Variants in GAS7 observed in about 807,000 individuals in gnomAD.
GAS7 encodes the protein growth arrest-specific protein 7.
GAS7 carries 28 observed loss-of-function variants against 71.1 expected under a neutral mutation model. That is an observed-to-expected ratio of 0.39 (90% CI 0.29 to 0.54). The LOEUF is 0.54. Among genes scored for constraint, GAS7 ranks in the 20% least tolerant of loss-of-function variants. GAS7 has a pLI of 0.62. For missense variants in GAS7, 436 were observed against 627.8 expected, an observed-to-expected ratio of 0.69 and a Z score of 3.27; for synonymous variants, 258 against 245.8, an observed-to-expected ratio of 1.05 and a Z score of -0.46.
intron 1 of GAS7, among the ~76,000 whole-genome samples, chr17:10,031,837 A>G (rs886958457): frequency 2.0e-5 from 3 of 152,140 alleles, no homozygotes; most frequent in Non-Finnish European, 4.4e-5. Flanking sequence ...AGAGACGCCC[A>G]CTCTTCAGCA....
intron 2 of GAS7, among the ~76,000 whole-genome samples, chr17:10,002,096 T>C (rs1377302030): frequency 7.0e-6 from 1 of 143,206 alleles, no homozygotes; most frequent in Non-Finnish European, 1.5e-5. Context: ...TGTGTCAGTT[T>C]CCAGGGGGCT....
intron 1 of GAS7, among the ~76,000 whole-genome samples, chr17:10,143,281 C>T (rs2074097336): frequency 6.6e-6 from 1 of 151,800 alleles, no homozygotes; most frequent in Non-Finnish European, 1.5e-5. Context: ...TGGTTCACAC[C>T]TGCAATCCCA....
intron 1 of GAS7, among the ~76,000 whole-genome samples, chr17:10,024,432 C>T (rs137889030): frequency 3.5e-4 from 53 of 152,236 alleles, no homozygotes; most frequent in Admixed American, 5.2e-4. Flanking sequence ...AGCACTTTCC[C>T]GTGGGAACTG....
At chr17:9,918,957 C>T (rs1439105865) in intron 12 of GAS7, among the ~76,000 whole-genome samples, 1 of 152,138 alleles carries the variant, frequency 6.6e-6, no homozygotes, top group Non-Finnish European at 1.5e-5. Flanking sequence ...CTGGGGAAGG[C>T]AGCTGGTTAG....
At chr17:10,157,536 C>T (rs537631937) in intron 1 of GAS7, among the ~76,000 whole-genome samples, 1 of 152,338 alleles carries the variant, frequency 6.6e-6, no homozygotes, top group East Asian at 1.9e-4. Flanking sequence ...GAAGATAAGG[C>T]TTTGAGCATC....
At chr17:9,984,965 C>T (rs764802590) in intron 2 of GAS7, among the ~76,000 whole-genome samples, 2 of 152,060 alleles carry the variant, frequency 1.3e-5, no homozygotes, top group Non-Finnish European at 2.9e-5. Flanking sequence ...GCACTGTTGC[C>T]TTCACATCCA....
At chr17:9,933,338 C>T (rs1056725427) in intron 9 of GAS7, among the ~76,000 whole-genome samples, 5 of 152,170 alleles carry the variant, frequency 3.3e-5, no homozygotes, top group African/African-American at 1.2e-4. Flanking sequence ...CATCCTACTC[C>T]ATCCCTTTGA....
intron 2 of GAS7, among the ~76,000 whole-genome samples, chr17:10,011,705 G>C (rs1037716698): frequency 6.6e-6 from 1 of 152,158 alleles, no homozygotes; most frequent in Non-Finnish European, 1.5e-5. Context: ...GGCCGGGTGC[G>C]GTGGCTCATG....
chr17:10,042,257 C>T (rs112364166), intron 1 of GAS7, among the ~76,000 whole-genome samples: 13 of 147,282 alleles, frequency 8.8e-5, no homozygotes, highest in South Asian at 6.4e-4. Context: ...ATAGTGCCAC[C>T]GCACTCCGGC....
In GAS7 at chr17:10,098,999, T is replaced by C. The variant is rs148588097; in HGVS notation, c.184-79102A>G. ...AAGAATGCAGATAACACAGGTTAGA[T>C]GAAGGGCAGAGTTGTGGCCATGGGC... is the stretch of plus-strand genomic sequence containing the variant. On this transcript the variant is annotated intron_variant, in intron 1 of 13. Coordinates refer to ENST00000432992, the MANE Select transcript of GAS7 (RefSeq NM_201433.2). Among the ~76,000 whole-genome samples the C allele has an allele frequency of 1.4e-4, 22 of 152,274 alleles. 1 individual carries two copies. Among genetic ancestry groups the C allele is most frequent in the African/African-American group, 1.7e-4 (7 of 41,544 alleles).
Position 10,119,198 on chromosome 17 carries a change from G to A in GAS7, c.183+79010C>T, listed in dbSNP as rs16959343. On this transcript the variant is annotated intron_variant, in intron 1 of 13. Coordinates refer to ENST00000432992, the MANE Select transcript of GAS7 (RefSeq NM_201433.2). ...TTCTAAAGAATGTCAGAAGGTGATC[G>A]GGGGAATAGAACATGGTAAAGGGAA... is the stretch of plus-strand genomic sequence containing the variant. Among the ~76,000 whole-genome samples the A allele has an allele frequency of 8.5e-3, 1,297 of 152,294 alleles. 61 individuals carry two copies. The highest frequency in any genetic ancestry group is 0.074 in the Admixed American group (1,126 of 15,298).
chr17:9,947,172 G>T (rs548895764), intron 5 of GAS7, among the ~76,000 whole-genome samples, 189 bp from the exon 6 acceptor site: 74 of 152,228 alleles, frequency 4.9e-4, no homozygotes, highest in African/African-American at 1.7e-3. Flanking sequence ...CCCCAAATGG[G>T]CTGTGAACCA....
At position 9,916,170 on chromosome 17, in the gene GAS7, A is replaced by C. The variant is rs79700896; in HGVS notation, c.*1058T>G. 5,065 of 233,112 alleles carry C rather than the reference A, an allele frequency of 0.022. 82 individuals are homozygous for C. Among genetic ancestry groups the C allele is most frequent in the Non-Finnish European group, 0.034 (3,989 of 117,968 alleles). The allele number at this position is 233,112 out of a possible 1,614,324, so 14.4% of individuals were successfully genotyped here. ...GACAGCAGTCCCAGCCCTGCCATAC[A>C]CAAGAAGACAGAGCCATCTGGGGGA... On this transcript the variant is annotated 3_prime_UTR_variant, in exon 14 of 14. Coordinates refer to ENST00000432992, the MANE Select transcript of GAS7 (RefSeq NM_201433.2).
At chr17:10,014,469 C>T (rs2152196073) in intron 2 of GAS7, among the ~76,000 whole-genome samples, 1 of 152,296 alleles carries the variant, frequency 6.6e-6, no homozygotes, top group African/African-American at 2.4e-5. Context: ...GGATAAAGAC[C>T]TGACTCCTCA....
chr17:9,916,082 G>A lies in GAS7; in HGVS notation c.*1146C>T. 2 of 233,304 alleles carry A rather than the reference G, an allele frequency of 8.6e-6. No individual in the cohort carries two copies. Among genetic ancestry groups the A allele is most frequent in the Non-Finnish European group, 1.7e-5 (2 of 118,114 alleles). The allele number at this position is 233,304 out of a possible 1,614,324, so 14.5% of individuals were successfully genotyped here. The stretch of plus-strand genomic sequence containing the variant: ...ACTGCCTGAAAGGCGACAACCTAGT[G>A]TGGCCACAAGAGAGTCTGCTATGCC... On this transcript the variant is annotated 3_prime_UTR_variant, in exon 14 of 14. Coordinates refer to ENST00000432992, the MANE Select transcript of GAS7 (RefSeq NM_201433.2).
At chr17:10,104,034 TTAAAGA>T (rs1351455455) in intron 1 of GAS7, among the ~76,000 whole-genome samples, 1 of 152,156 alleles carries the variant, frequency 6.6e-6, no homozygotes, top group Non-Finnish European at 1.5e-5. Context: ...ATTTAAAAAA[TTAAAGA>T]TAAATATATC....
intron 3 of GAS7, among the ~76,000 whole-genome samples, chr17:9,975,446 C>G (rs1218459995): frequency 6.7e-6 from 1 of 150,326 alleles, no homozygotes; most frequent in African/African-American, 2.5e-5. Context: ...CTCTTCCCCT[C>G]TCTTCTTCCC....
intron 9 of GAS7, chr17:9,927,032 C>T (rs2068028465): frequency 2.5e-6 from 1 of 398,352 alleles, no homozygotes; most frequent in Admixed American, 4.1e-5. Flanking sequence ...CTGATTTCCC[C>T]ATCTGTTAAC....
In GAS7 at chr17:9,926,981, C is replaced by G. The variant is rs911643103; in HGVS notation, c.886-212G>C. 3.5e-6 allele frequency: 2 copies of G among 563,580 alleles called. No homozygotes were observed. Among genetic ancestry groups the G allele is most frequent in the Non-Finnish European group, 6.4e-6 (2 of 313,256 alleles). The allele number at this position is 563,580 out of a possible 1,614,324, so 34.9% of individuals were successfully genotyped here. On this transcript the variant is annotated intron_variant, in intron 9 of 13. Transcript: ENST00000432992. The surrounding 1 kb of genome is among the most constrained non-coding windows in gnomAD (Gnocchi z 5.0). Reference sequence around the variant, plus strand: ...AGGTCACCTTAGCTCAGGAGGCCCCCACACACGTCTACAGGATAAGTGGTT... The same window carrying G: ...AGGTCACCTTAGCTCAGGAGGCCCCGACACACGTCTACAGGATAAGTGGTT...
Sources: allele counts gnomAD v4.1 joint callset (sites outside exome capture counted in the v4.1 genomes callset), GRCh38; gene constraint gnomAD v4.1.1; non-coding constraint Gnocchi (gnomAD v3.1); transcripts MANE v1.5; gene names NCBI Gene and HGNC (gene_info 2026-07-23, HGNC 2026-07-21).